CDK5RAP2: variants seen among roughly 807,000 people sequenced by gnomAD.
CDK5RAP2 encodes CDK5 regulatory subunit associated protein 2, also known as CDK5 regulatory subunit-associated protein 2.
A neutral mutation model predicts 232.9 loss-of-function variants in CDK5RAP2; 147 were observed. The ratio of observed to expected loss-of-function variants is 0.63; its 90% CI spans 0.55 to 0.72. The LOEUF (loss-of-function observed/expected upper bound fraction) is 0.72. CDK5RAP2 is among the 30% of genes least tolerant of loss of function. The pLI, the probability that CDK5RAP2 is intolerant of heterozygous loss-of-function variation, is 0.00. For missense variants in CDK5RAP2, 2,195 were observed against 2,231.5 expected, an observed-to-expected ratio of 0.98 and a Z score of 0.33; for synonymous variants, 833 against 833.7, an observed-to-expected ratio of 1.00 and a Z score of 0.01.
chr9:120,507,275 G>T (rs62577978), intron 12 of CDK5RAP2, among the ~76,000 whole-genome samples: 4 of 152,114 alleles, frequency 2.6e-5, no homozygotes, highest in East Asian at 1.9e-4. Flanking sequence ...CAAAAAATTC[G>T]TAAGACTCGC....
At chr9:120,394,740 A>T (rs2032313737) in intron 35 of CDK5RAP2, 102 bp from the exon 36 acceptor site, 1 of 982,812 alleles carries the variant, frequency 1.0e-6, no homozygotes, top group Non-Finnish European at 1.5e-6. Context: ...CAACCTCACT[A>T]GCAAAAATAT....
chr9:120,445,600 G>A (rs569410299), intron 22 of CDK5RAP2, among the ~76,000 whole-genome samples: 2 of 152,138 alleles, frequency 1.3e-5, no homozygotes, highest in African/African-American at 4.8e-5. Flanking sequence ...CTCAGTCCTT[G>A]TCTTACCAGA....
At chr9:120,431,225 C>T (rs2035267531) in intron 25 of CDK5RAP2, among the ~76,000 whole-genome samples, 1 of 152,082 alleles carries the variant, frequency 6.6e-6, no homozygotes, top group Admixed American at 6.5e-5. Flanking sequence ...AACTAACCTG[C>T]ACATTGCGCA....
Position 120,471,891 on chromosome 9 carries a change from A to G in CDK5RAP2, c.1728-13T>C, listed in dbSNP as rs1209703209. The stretch of plus-strand genomic sequence containing the variant: ...CAGGTTGTTGATACTTGGTAAAACA[A>G]GACACCAGAAGTTTTAAAACAGACC... On this transcript the variant is annotated splice_polypyrimidine_tract_variant and intron_variant, in intron 15 of 37. Coordinates refer to ENST00000349780, the MANE Select transcript of CDK5RAP2 (RefSeq NM_018249.6). 6.2e-7 allele frequency: 1 copy of G among 1,614,034 alleles called. No individual in the cohort carries two copies. The highest frequency in any genetic ancestry group is 1.7e-5 in the Admixed American group (1 of 60,028).
At chr9:120,497,631 T>C (rs2131689925) in intron 12 of CDK5RAP2, among the ~76,000 whole-genome samples, 1 of 152,210 alleles carries the variant, frequency 6.6e-6, no homozygotes, top group East Asian at 1.9e-4. Context: ...TCATCAATAA[T>C]GACAGACTGA....
At position 120,498,282 on chromosome 9, in the gene CDK5RAP2, G is replaced by C. The variant is rs1273307213; in HGVS notation, c.1312-6805C>G. On this transcript the variant is annotated intron_variant, in intron 12 of 37. Coordinates refer to ENST00000349780, the MANE Select transcript of CDK5RAP2 (RefSeq NM_018249.6). Reference sequence around the variant, plus strand: ...TCAAACTGTCTTTTCTCATTCCTTTGACTCCGACGGACTTCATTGCCCCCA... The same window carrying C: ...TCAAACTGTCTTTTCTCATTCCTTTCACTCCGACGGACTTCATTGCCCCCA... Among the ~76,000 whole-genome samples, 6 of 152,120 alleles carry C rather than the reference G, an allele frequency of 3.9e-5. No individual in the cohort carries two copies. In the East Asian group the frequency reaches 1.2e-3, roughly 29 times the overall value.
chr9:120,453,188 A>G (rs2036568016), intron 21 of CDK5RAP2, among the ~76,000 whole-genome samples: 1 of 152,178 alleles, frequency 6.6e-6, no homozygotes, highest in Non-Finnish European at 1.5e-5. Flanking sequence ...GTTTTTTCTA[A>G]GGAAAACACA....
rs541249158 is a variant in CDK5RAP2, at chr9:120,389,727, C to A, written c.5625+14G>T. The A allele has an allele frequency of 6.2e-7, 1 of 1,613,760 alleles. No individual in the cohort carries two copies. Among genetic ancestry groups the A allele is most frequent in the East Asian group, 2.2e-5 (1 of 44,876 alleles). On this transcript the variant is annotated intron_variant, in intron 37 of 37. Coordinates refer to ENST00000349780, the MANE Select transcript of CDK5RAP2 (RefSeq NM_018249.6). ...CTTCCACTGGCCTGCAGTGAAAAGA[C>A]TCAAAGGGCATACCTCCAGGTTTCC...
intron 12 of CDK5RAP2, among the ~76,000 whole-genome samples, chr9:120,511,470 C>T (rs1171968542): frequency 6.6e-6 from 1 of 152,222 alleles, no homozygotes; most frequent in Admixed American, 6.5e-5. Context: ...TAACATTGAT[C>T]TGGCCCCATG....
chr9:120,571,883 C>A (rs1588683625), intron 2 of CDK5RAP2, 91 bp downstream of exon 2: 1 of 1,013,134 alleles, frequency 9.9e-7, no homozygotes. Context: ...AGCCTCTGGG[C>A]CCCAGAGATA....
At chr9:120,538,705 G>A (rs1181453133) in intron 6 of CDK5RAP2, among the ~76,000 whole-genome samples, 7 of 152,156 alleles carry the variant, frequency 4.6e-5, no homozygotes, top group Non-Finnish European at 1.0e-4. Context: ...GCAGAGTGGT[G>A]CTGTAGGAAG....
chr9:120,419,991 C>T (rs2034471401), intron 26 of CDK5RAP2, 31 bp from the exon 27 acceptor site: 2 of 1,577,824 alleles, frequency 1.3e-6, no homozygotes, highest in Non-Finnish European at 1.7e-6. Context: ...GATAAATCAT[C>T]TCCCATGCTA....
At chr9:120,438,781 G>C (rs1351679263) in intron 24 of CDK5RAP2, among the ~76,000 whole-genome samples, 1 of 152,102 alleles carries the variant, frequency 6.6e-6, no homozygotes, top group Non-Finnish European at 1.5e-5. Flanking sequence ...TGACAATTCA[G>C]AACAATGTGT....
Position 120,388,971 on chromosome 9 carries a change from A to T in CDK5RAP2, c.*265T>A. On this transcript the variant is annotated 3_prime_UTR_variant, in exon 38 of 38. Coordinates refer to ENST00000349780, the MANE Select transcript of CDK5RAP2 (RefSeq NM_018249.6). ...GAAGACGTGAAGCCCACCAAGGCGC[A>T]CAGCCTCAACTCCGGTGCCTGCCCC... is the stretch of plus-strand genomic sequence containing the variant. 1 of 563,106 alleles carries T rather than the reference A, an allele frequency of 1.8e-6. No homozygotes were observed. Among genetic ancestry groups the T allele is most frequent in the East Asian group, 2.9e-5 (1 of 34,058 alleles). The allele number at this position is 563,106 out of a possible 1,614,324, so 34.9% of individuals were successfully genotyped here.
intron 3 of CDK5RAP2, among the ~76,000 whole-genome samples, chr9:120,554,450 T>C (rs1211889240): frequency 6.6e-6 from 1 of 152,174 alleles, no homozygotes; most frequent in Non-Finnish European, 1.5e-5. Flanking sequence ...GAAAGATTAG[T>C]GGCTTTGGAG....
intron 14 of CDK5RAP2, 36 bp from the exon 15 acceptor site, chr9:120,477,486 G>C: frequency 3.4e-6 from 5 of 1,468,604 alleles, no homozygotes; most frequent in Non-Finnish European, 4.8e-6. Context: ...ATTAAGGAAA[G>C]AATTTTGAAA....
rs199723328 is a variant in CDK5RAP2, at chr9:120,539,099, C to T, written c.449G>A (p.Arg150Gln). 92 of 1,613,858 alleles carry T rather than the reference C, an allele frequency of 5.7e-5. No individual in the cohort carries two copies. The highest frequency in any genetic ancestry group is 1.6e-4 in the Middle Eastern group (1 of 6,082). The change falls in exon 6 of 38, where the codon CGA becomes CAA. Residue 150 changes from arginine (R) to glutamine (Q), a missense_variant. Transcript: ENST00000349780. ...ATCTTCCACCTGCTGCACCTTCTTT[C>T]GAGCATCTTCTTTCACCCGCTGGAT... ...SEIQRVKEDA[R>Q]KKVQQVEDLL...
intron 3 of CDK5RAP2, among the ~76,000 whole-genome samples, chr9:120,561,320 A>G (rs149955232): frequency 1.3e-5 from 2 of 152,184 alleles, no homozygotes; most frequent in Admixed American, 1.3e-4. Context: ...TTTTTTAAAC[A>G]GGGTCTCTCT....
chr9:120,557,297 A>G (rs2042265466), intron 3 of CDK5RAP2, among the ~76,000 whole-genome samples: 1 of 152,112 alleles, frequency 6.6e-6, no homozygotes, highest in Non-Finnish European at 1.5e-5. Context: ...ATGTTTCCAC[A>G]CACTCTCTAC....
Sources: allele counts gnomAD v4.1 joint callset (sites outside exome capture counted in the v4.1 genomes callset), GRCh38; gene constraint gnomAD v4.1.1; transcripts MANE v1.5; gene names NCBI Gene and HGNC (gene_info 2026-07-23, HGNC 2026-07-21).